Variants in DNER observed in about 807,000 individuals in gnomAD.
The protein encoded by DNER is delta and Notch-like epidermal growth factor-related receptor.
Under a neutral mutation model 78.2 loss-of-function variants are expected in DNER, and 33 were observed. The observed-to-expected ratio is 0.42, with a 90% CI of 0.32 to 0.56. The LOEUF (loss-of-function observed/expected upper bound fraction) is 0.56. Ranked by LOEUF, DNER falls within the 20% of genes least tolerant of loss-of-function variation. The pLI is 0.11. For synonymous variants in DNER, 417 were observed against 384.8 expected (o/e 1.08, Z -0.98); for missense variants, 918 against 975.3 (o/e 0.94, Z 0.78).
intron 4 of DNER, among the ~76,000 whole-genome samples, chr2:229,580,612 T>A (rs1164415244): frequency 2.0e-5 from 3 of 152,050 alleles, no homozygotes. Flanking sequence ...AGGAATAGAC[T>A]GGATCAAAAT....
At chr2:229,586,984 G>C (rs2154214489) in intron 3 of DNER, 1 of 985,390 alleles carries the variant, frequency 1.0e-6, no homozygotes, top group South Asian at 4.7e-5. Context: ...AGGTCATTCG[G>C]CACTCCCATC....
At chr2:229,432,359 C>T (rs1694024786) in intron 8 of DNER, among the ~76,000 whole-genome samples, 1 of 151,724 alleles carries the variant, frequency 6.6e-6, no homozygotes, top group South Asian at 2.1e-4. Context: ...CTGGGGCCAG[C>T]AAAGGCAACA....
rs1027423655 is a variant in DNER, at chr2:229,436,751, G to C, written c.1486+10565C>G. On this transcript the variant is annotated intron_variant, in intron 8 of 12. Coordinates refer to ENST00000341772, the MANE Select transcript of DNER (RefSeq NM_139072.4). ...GCTTTTTGAACAAGCAAATGTTAGG[G>C]GAATTTGTCACCACCAGACCTGCTT... is the stretch of plus-strand genomic sequence containing the variant. Among the ~76,000 whole-genome samples, 3 of 152,284 alleles carry C rather than the reference G, an allele frequency of 2.0e-5. No individual in the cohort carries two copies. In the East Asian group the frequency reaches 5.8e-4, roughly 29 times the overall value.
intron 1 of DNER, among the ~76,000 whole-genome samples, chr2:229,613,033 A>C (rs907636723): frequency 1.3e-5 from 2 of 152,244 alleles, no homozygotes; most frequent in Non-Finnish European, 2.9e-5. Context: ...TTGCATCCTC[A>C]TTAAAACATT....
At chr2:229,440,290 CCA>C (rs1422528146) in intron 8 of DNER, among the ~76,000 whole-genome samples, 1 of 152,170 alleles carries the variant, frequency 6.6e-6, no homozygotes, top group Non-Finnish European at 1.5e-5. Context: ...ATGGCTGTGG[CCA>C]CAGTTTGGAA....
intron 1 of DNER, among the ~76,000 whole-genome samples, chr2:229,671,684 G>A (rs1699211766): frequency 6.6e-6 from 1 of 152,170 alleles, no homozygotes; most frequent in Non-Finnish European, 1.5e-5. Flanking sequence ...TCCCAAGGCT[G>A]CTCAGAGACT....
At chr2:229,463,700 A>G (rs1694747535) in intron 7 of DNER, among the ~76,000 whole-genome samples, 1 of 152,204 alleles carries the variant, frequency 6.6e-6, no homozygotes, top group African/African-American at 2.4e-5. Flanking sequence ...TTAGCCTCCC[A>G]GAGTGCTGAG....
chr2:229,683,721 C>G (rs1449715680), intron 1 of DNER, among the ~76,000 whole-genome samples: 1 of 152,070 alleles, frequency 6.6e-6, no homozygotes, highest in Non-Finnish European at 1.5e-5. Flanking sequence ...GGCACTCATA[C>G]TAAGTACTTT....
At chr2:229,380,489 A>G (rs1692712057) in intron 11 of DNER, among the ~76,000 whole-genome samples, 2 of 152,228 alleles carry the variant, frequency 1.3e-5, no homozygotes, top group Admixed American at 1.3e-4. Flanking sequence ...CAGGAAAAGA[A>G]GCAATCTGGA....
intron 1 of DNER, among the ~76,000 whole-genome samples, chr2:229,666,998 TAA>T (rs1699103434): frequency 6.6e-6 from 1 of 152,114 alleles, no homozygotes; most frequent in African/African-American, 2.4e-5. Context: ...GGCAGGAAAA[TAA>T]AAGAGTCACC....
intron 5 of DNER, among the ~76,000 whole-genome samples, chr2:229,529,035 A>G (rs942723720): frequency 2.6e-5 from 4 of 152,246 alleles, no homozygotes; most frequent in South Asian, 4.1e-4. Context: ...TGCAAAATGG[A>G]TTGTTCTTCT....
intron 5 of DNER, among the ~76,000 whole-genome samples, chr2:229,542,254 A>G (rs928052731): frequency 2.0e-5 from 3 of 152,002 alleles, no homozygotes; most frequent in Admixed American, 6.6e-5. Flanking sequence ...TTTTTTAAGC[A>G]GAAGGAAAGA....
At chr2:229,359,256 G>A (rs1215136880) in intron 12 of DNER, among the ~76,000 whole-genome samples, 1 of 152,192 alleles carries the variant, frequency 6.6e-6, no homozygotes, top group Non-Finnish European at 1.5e-5. Context: ...GGACACAGAA[G>A]CCAATGTTTT....
intron 1 of DNER, among the ~76,000 whole-genome samples, chr2:229,630,717 G>A (rs1449023912): frequency 2.0e-5 from 3 of 151,820 alleles, no homozygotes; most frequent in Non-Finnish European, 4.4e-5. Flanking sequence ...TGAGGTTTGG[G>A]GTATGATTGA....
intron 4 of DNER, among the ~76,000 whole-genome samples, chr2:229,552,146 A>G (rs554762009): frequency 1.3e-5 from 2 of 152,310 alleles, no homozygotes; most frequent in East Asian, 1.9e-4. Context: ...AAGAGCCTCT[A>G]CCTTCTAGGG....
intron 5 of DNER, among the ~76,000 whole-genome samples, chr2:229,515,363 C>T (rs1695948888): frequency 1.3e-5 from 2 of 152,142 alleles, no homozygotes; most frequent in Non-Finnish European, 2.9e-5. Context: ...AGATTTGTGG[C>T]CACCTTTGAA....
intron 6 of DNER, among the ~76,000 whole-genome samples, chr2:229,492,489 AAC>A (rs1269863653): frequency 6.6e-6 from 1 of 152,204 alleles, no homozygotes; most frequent in African/African-American, 2.4e-5. Context: ...GTAGCAGTGA[AAC>A]ACACTCTTTG....
At chr2:229,686,168 C>T (rs1384606355) in intron 1 of DNER, among the ~76,000 whole-genome samples, 3 of 152,078 alleles carry the variant, frequency 2.0e-5, no homozygotes, top group Non-Finnish European at 4.4e-5. Flanking sequence ...CTCTCAAAGT[C>T]ACATTTAGTC....
intron 1 of DNER, among the ~76,000 whole-genome samples, chr2:229,673,599 T>C (rs1315558188): frequency 6.6e-6 from 1 of 151,828 alleles, no homozygotes; most frequent in Non-Finnish European, 1.5e-5. Context: ...CAGTGTAAGG[T>C]TTCTTATGTG....
Sources: allele counts gnomAD v4.1 joint callset (sites outside exome capture counted in the v4.1 genomes callset), GRCh38; gene constraint gnomAD v4.1.1; transcripts MANE v1.5; gene names NCBI Gene and HGNC (gene_info 2026-07-23, HGNC 2026-07-21).